Variants in NDFIP2 observed in about 807,000 individuals in gnomAD.
The protein encoded by NDFIP2 is Nedd4 family interacting protein 2, also known as NEDD4 family-interacting protein 2.
NDFIP2 carries 19 observed loss-of-function variants against 36.0 expected under a neutral mutation model. That is an observed-to-expected ratio of 0.53 (90% CI 0.37 to 0.77). NDFIP2 has a LOEUF of 0.77. Ranked by LOEUF, NDFIP2 falls within the 30% of genes least tolerant of loss-of-function variation. The pLI, the probability that NDFIP2 is intolerant of heterozygous loss-of-function variation, is 0.00. For missense variants in NDFIP2, 446 were observed against 435.8 expected, an observed-to-expected ratio of 1.02 and a Z score of -0.21; for synonymous variants, 181 against 167.7, an observed-to-expected ratio of 1.08 and a Z score of -0.61.
chr13:79,520,663 T>C (rs1874534144), intron 1 of NDFIP2, 147 bp from the exon 2 acceptor site: 2 of 584,118 alleles, frequency 3.4e-6, no homozygotes, highest in Admixed American at 3.9e-5. Context: ...TTTGAAATAC[T>C]AGTGTGATTT....
intron 1 of NDFIP2, among the ~76,000 whole-genome samples, chr13:79,497,248 A>G (rs776469141): frequency 3.3e-5 from 5 of 151,958 alleles, no homozygotes; most frequent in South Asian, 2.1e-4. Flanking sequence ...CTTTACTGGT[A>G]TCGGTTTTGG....
chr13:79,537,217 C>T (rs1453446751), intron 3 of NDFIP2, among the ~76,000 whole-genome samples: 4 of 152,096 alleles, frequency 2.6e-5, no homozygotes, highest in African/African-American at 9.7e-5. Flanking sequence ...AAATGATTCT[C>T]CTGCCTTAGC....
At chr13:79,489,425 C>G (rs1873140463) in intron 1 of NDFIP2, among the ~76,000 whole-genome samples, 1 of 152,124 alleles carries the variant, frequency 6.6e-6, no homozygotes, top group African/African-American at 2.4e-5. Flanking sequence ...TTTGCAGTAT[C>G]CTATTGGTCA....
rs765339990 is a variant in NDFIP2 at position 79,481,273 on chromosome 13, C to T, written c.70C>T (p.Pro24Ser). The change falls in exon 1 of 8, where the codon CCG becomes TCG. Residue 24 changes from proline (P) to serine (S), a missense_variant. Pro to Ser is a moderately conservative substitution (Grantham distance 74). Coordinates refer to ENST00000218652, the MANE Select transcript of NDFIP2 (RefSeq NM_019080.3). ...CATGCTCAATAGCGCGCGCGGCGCC[C>T]CGGAGCTTCTCCGCGGAACCGCGAC... ...PSMLNSARGAPELLRGTATNA... is the reference protein window; with the variant it reads ...PSMLNSARGASELLRGTATNA... 3 of 1,537,338 alleles carry T rather than the reference C, an allele frequency of 2.0e-6. No individual in the cohort carries two copies. Among genetic ancestry groups the T allele is most frequent in the Middle Eastern group, 1.7e-4 (1 of 5,984 alleles).
intron 1 of NDFIP2, among the ~76,000 whole-genome samples, chr13:79,502,630 G>T (rs1873709555): frequency 1.3e-5 from 2 of 151,982 alleles, no homozygotes; most frequent in Non-Finnish European, 2.9e-5. Context: ...TAAGTGTGTT[G>T]GATATATTAA....
At position 79,538,240 on chromosome 13, in the gene NDFIP2, G is replaced by A. The variant is rs149849054; in HGVS notation, c.622-1442G>A. Among the ~76,000 whole-genome samples the A allele has an allele frequency of 4.1e-3, 625 of 152,266 alleles. 7 individuals carry two copies. Among genetic ancestry groups the A allele is most frequent in the African/African-American group, 0.014 (601 of 41,546 alleles). Reference sequence around the variant, plus strand: ...GGATTACAGTTGAATATGAGATTTGGATGGGGACACAGATCGAACCATATA... The same window carrying A: ...GGATTACAGTTGAATATGAGATTTGAATGGGGACACAGATCGAACCATATA... On this transcript the variant is annotated intron_variant, in intron 3 of 7. Coordinates refer to ENST00000218652, the MANE Select transcript of NDFIP2 (RefSeq NM_019080.3).
intron 2 of NDFIP2, among the ~76,000 whole-genome samples, chr13:79,529,419 G>T (rs980396988): frequency 2.6e-5 from 4 of 151,994 alleles, no homozygotes; most frequent in Admixed American, 6.6e-5. Context: ...CTTGGATAAT[G>T]TGTGCCATTG....
In NDFIP2 at chr13:79,506,311, TCACAGACACA is replaced by T. The variant is rs570438902; in HGVS notation, c.322-14488_322-14479del. Among the ~76,000 whole-genome samples the T allele has an allele frequency of 7.9e-4, 121 of 152,286 alleles. 1 individual carries two copies. The highest frequency in any genetic ancestry group is 2.7e-3 in the African/African-American group (112 of 41,582). On this transcript the variant is annotated intron_variant, in intron 1 of 7. Transcript: ENST00000218652. Reference sequence around the variant, plus strand: ...TTAAAATTGGAATAATATATGATTCTCACAGACACACACAGACACAACTCTGTTACTTCTT... The same window carrying T: ...TTAAAATTGGAATAATATATGATTCTCACAGACACAACTCTGTTACTTCTT...
intron 1 of NDFIP2, among the ~76,000 whole-genome samples, chr13:79,501,706 C>G (rs1330322656): frequency 1.3e-5 from 2 of 152,064 alleles, no homozygotes; most frequent in Admixed American, 1.3e-4. Flanking sequence ...GTAGTGGTGT[C>G]TTGGCATTTG....
chr13:79,491,329 A>G (rs1452345225), intron 1 of NDFIP2, among the ~76,000 whole-genome samples: 2 of 152,150 alleles, frequency 1.3e-5, no homozygotes, highest in East Asian at 1.9e-4. Context: ...TGTTTCTGCT[A>G]CTGAGACCTG....
rs1015227201 is a variant in NDFIP2, at chr13:79,554,705, T to C, written c.*2192T>C. 1.3e-5 allele frequency: 2 copies of C among 151,912 alleles called. No homozygotes were observed. The highest frequency in any genetic ancestry group is 2.4e-5 in the African/African-American group (1 of 41,426). The allele number at this position is 151,912 out of a possible 1,614,324, so 9.4% of individuals were successfully genotyped here. A position where few individuals can be genotyped will look rare whatever the true frequency, so the allele number is the denominator to read the frequency against. On this transcript the variant is annotated 3_prime_UTR_variant, in exon 8 of 8. Transcript: ENST00000218652. The stretch of plus-strand genomic sequence containing the variant: ...AAAATCCTGCATACTTCATTTCCTG[T>C]GAGCTTGAACAGCTGCTGTTGTGTT...
intron 2 of NDFIP2, among the ~76,000 whole-genome samples, chr13:79,523,639 A>C (rs1045465292): frequency 5.3e-5 from 8 of 152,218 alleles, no homozygotes; most frequent in Non-Finnish European, 1.2e-4. Context: ...TACTGTAATA[A>C]AAGTTATGTG....
At chr13:79,509,361 A>T (rs1329716388) in intron 1 of NDFIP2, among the ~76,000 whole-genome samples, 1 of 152,188 alleles carries the variant, frequency 6.6e-6, no homozygotes, top group African/African-American at 2.4e-5. Context: ...TTGAGTTATT[A>T]TCTAAAGACT....
At chr13:79,529,977 G>A (rs145777991) in intron 2 of NDFIP2, among the ~76,000 whole-genome samples, 3 of 152,262 alleles carry the variant, frequency 2.0e-5, no homozygotes, top group Non-Finnish European at 4.4e-5. Context: ...GTAGCATTAT[G>A]TTTAAAAAAT....
intron 1 of NDFIP2, among the ~76,000 whole-genome samples, chr13:79,518,729 A>G (rs985991532): frequency 4.6e-5 from 7 of 152,256 alleles, no homozygotes; most frequent in Admixed American, 3.3e-4. Flanking sequence ...TAATAGGTGA[A>G]CACTAAGACA....
chr13:79,537,244 A>T (rs1875277225), intron 3 of NDFIP2, among the ~76,000 whole-genome samples: 1 of 151,990 alleles, frequency 6.6e-6, no homozygotes, highest in Non-Finnish European at 1.5e-5. Context: ...AGTAGCTGGG[A>T]CTACAGGAGC....
chr13:79,482,975 G>C (rs893481396), intron 1 of NDFIP2, among the ~76,000 whole-genome samples: 1 of 152,192 alleles, frequency 6.6e-6, no homozygotes, highest in African/African-American at 2.4e-5. Flanking sequence ...AATATCAGCA[G>C]TGAAACTTGT....
intron 3 of NDFIP2, among the ~76,000 whole-genome samples, chr13:79,534,172 A>G (rs1368190039): frequency 6.6e-6 from 1 of 152,004 alleles, no homozygotes; most frequent in Non-Finnish European, 1.5e-5. Context: ...CTGTCCATGT[A>G]CTTATTTATC....
rs1382119305 is a variant in NDFIP2, at chr13:79,554,387, T to C, written c.*1874T>C. The C allele has an allele frequency of 6.6e-6, 1 of 151,826 alleles. No individual in the cohort carries two copies. Among genetic ancestry groups the C allele is most frequent in the African/African-American group, 2.4e-5 (1 of 41,436 alleles). The allele number at this position is 151,826 out of a possible 1,614,324, so 9.4% of individuals were successfully genotyped here. A position where few individuals can be genotyped will look rare whatever the true frequency, so the allele number is the denominator to read the frequency against. ...AATGAAATTAAGCTTTGCTACATGG[T>C]AATTAAATAATTACTAGGAAGCTTA... is the stretch of plus-strand genomic sequence containing the variant. On this transcript the variant is annotated 3_prime_UTR_variant, in exon 8 of 8. Coordinates refer to ENST00000218652, the MANE Select transcript of NDFIP2 (RefSeq NM_019080.3).
Sources: gnomAD v4.1 joint callset for allele counts (sites outside exome capture counted in the v4.1 genomes callset) on GRCh38, gnomAD v4.1.1 for gene constraint, MANE v1.5 for transcripts, NCBI Gene and HGNC (gene_info 2026-07-23, HGNC 2026-07-21) for gene names.